The following FHIT variants were observed in gnomAD, a reference collection of about 807,000 sequenced individuals.
FHIT encodes bis(5'-adenosyl)-triphosphatase.
A neutral mutation model predicts 17.9 loss-of-function variants in FHIT; 19 were observed. That is an observed-to-expected ratio of 1.06 (90% confidence interval 0.74 to 1.56). FHIT has a LOEUF of 1.56. FHIT is among the 40% of genes most tolerant of loss of function. FHIT has a pLI of 0.00. For synonymous variants in FHIT, 81 were observed against 69.7 expected (o/e 1.16, Z -0.81); for missense variants, 248 against 189.2 (o/e 1.31, Z -1.82).
intron 4 of FHIT, among the ~76,000 whole-genome samples, chr3:60,570,226 G>A (rs1402275957): frequency 6.6e-6 from 1 of 152,170 alleles, no homozygotes; most frequent in Non-Finnish European, 1.5e-5. Context: ...AAGAGGAGAT[G>A]TTCAGCAGAG....
chr3:61,160,190 C>G (rs1454840375), intron 2 of FHIT, among the ~76,000 whole-genome samples: 4 of 151,078 alleles, frequency 2.6e-5, no homozygotes, highest in African/African-American at 9.7e-5. Flanking sequence ...CCCCCACCTC[C>G]TTAGCCCCAA....
At chr3:59,762,549 A>G (rs143810648) in intron 8 of FHIT, among the ~76,000 whole-genome samples, 2 of 152,282 alleles carry the variant, frequency 1.3e-5, no homozygotes, top group African/African-American at 2.4e-5. Context: ...AGCAAACTGT[A>G]TGTCTCATCC....
At chr3:60,597,718 G>C (rs1553667122) in intron 4 of FHIT, among the ~76,000 whole-genome samples, 1 of 152,096 alleles carries the variant, frequency 6.6e-6, no homozygotes, top group Non-Finnish European at 1.5e-5. Context: ...CTAAATGGGA[G>C]TTCATCAAAC....
At chr3:60,804,244 C>G (rs1701303346) in intron 4 of FHIT, among the ~76,000 whole-genome samples, 1 of 152,210 alleles carries the variant, frequency 6.6e-6, no homozygotes. Context: ...GCACTGCGAT[C>G]CCCCTCATGG....
At chr3:59,994,504 C>G (rs1286421422) in intron 7 of FHIT, among the ~76,000 whole-genome samples, 2 of 152,118 alleles carry the variant, frequency 1.3e-5, no homozygotes, top group South Asian at 2.1e-4. Flanking sequence ...ACAATAGGAA[C>G]AAACTCTTCT....
intron 5 of FHIT, among the ~76,000 whole-genome samples, chr3:60,035,383 C>T (rs1391186832): frequency 6.6e-6 from 1 of 152,126 alleles, no homozygotes; most frequent in East Asian, 1.9e-4. Flanking sequence ...ATTACAGGTG[C>T]CTGCCACCAT....
At chr3:60,925,023 G>T (rs1030836451) in intron 3 of FHIT, among the ~76,000 whole-genome samples, 5 of 152,174 alleles carry the variant, frequency 3.3e-5, no homozygotes, top group African/African-American at 4.8e-5. Flanking sequence ...AGAATAAAAA[G>T]AAATGAACAA....
chr3:60,473,269 CAA>C (rs2033179930), intron 5 of FHIT, among the ~76,000 whole-genome samples: 1 of 152,132 alleles, frequency 6.6e-6, no homozygotes, highest in African/African-American at 2.4e-5. Context: ...CAATTCAAAT[CAA>C]AGAGTAATTA....
At chr3:61,045,389 A>G (rs1329583260) in intron 2 of FHIT, among the ~76,000 whole-genome samples, 1 of 152,220 alleles carries the variant, frequency 6.6e-6, no homozygotes, top group Non-Finnish European at 1.5e-5. Flanking sequence ...AAAGAGACAA[A>G]GAAGGCCGTT....
intron 4 of FHIT, among the ~76,000 whole-genome samples, chr3:60,691,465 G>A (rs530697039): frequency 5.4e-4 from 82 of 151,554 alleles, no homozygotes; most frequent in African/African-American, 1.7e-3. Context: ...ACCTCCCCAG[G>A]CTCAGGTGAT....
At chr3:59,924,028 A>G (rs1705538700) in intron 7 of FHIT, among the ~76,000 whole-genome samples, 1 of 152,230 alleles carries the variant, frequency 6.6e-6, no homozygotes, top group Non-Finnish European at 1.5e-5. Flanking sequence ...TTACGTGAGC[A>G]TGGAGAGAGA....
chr3:60,308,776 T>C (rs2106746404), intron 5 of FHIT, among the ~76,000 whole-genome samples: 1 of 152,236 alleles, frequency 6.6e-6, no homozygotes, highest in Non-Finnish European at 1.5e-5. Flanking sequence ...CCTATAATCA[T>C]CTCTATAACT....
At chr3:60,980,500 C>T (rs751149735) in intron 3 of FHIT, among the ~76,000 whole-genome samples, 4 of 152,156 alleles carry the variant, frequency 2.6e-5, no homozygotes, top group Non-Finnish European at 5.9e-5. Context: ...CCTCACCCTC[C>T]CACCTACTTA....
intron 2 of FHIT, among the ~76,000 whole-genome samples, chr3:61,058,168 C>T (rs1234647516): frequency 7.2e-5 from 11 of 152,140 alleles, no homozygotes; most frequent in Admixed American, 7.2e-4. Flanking sequence ...TCTCCATAAA[C>T]GTGAGCCATG....
intron 5 of FHIT, among the ~76,000 whole-genome samples, chr3:60,163,140 G>GC (rs11437945): frequency 0.85 from 128,646 of 152,058 alleles, 54,826 homozygotes; most frequent in African/African-American, 0.92. Context: ...CTGCCCTATG[G>GC]CCCGTAAGAT....
chr3:60,159,872 C>G (rs906350997), intron 5 of FHIT, among the ~76,000 whole-genome samples: 4 of 152,142 alleles, frequency 2.6e-5, no homozygotes, highest in African/African-American at 9.7e-5. Context: ...GCCTCACACT[C>G]AACAGCGGCT....
intron 4 of FHIT, among the ~76,000 whole-genome samples, chr3:60,568,303 T>G (rs1334818626): frequency 6.6e-6 from 1 of 152,116 alleles, no homozygotes; most frequent in African/African-American, 2.4e-5. Context: ...TCATATCCTT[T>G]ATAGGGACAT....
chr3:60,569,217 C>T (rs2037249459), intron 4 of FHIT, among the ~76,000 whole-genome samples: 1 of 151,924 alleles, frequency 6.6e-6, no homozygotes. Flanking sequence ...TTTCAGATTC[C>T]AGGATGTAGA....
chr3:60,774,258 A>G (rs1700142259), intron 4 of FHIT, among the ~76,000 whole-genome samples: 1 of 152,210 alleles, frequency 6.6e-6, no homozygotes, highest in South Asian at 2.1e-4. Context: ...AACCCTATAC[A>G]TACTGTTTTT....
Sources: gnomAD v4.1 joint callset for allele counts (sites outside exome capture counted in the v4.1 genomes callset) on GRCh38, gnomAD v4.1.1 for gene constraint, MANE v1.5 for transcripts, NCBI Gene and HGNC (gene_info 2026-07-23, HGNC 2026-07-21) for gene names.